The following SMCHD1 variants were observed in gnomAD, a reference collection of about 807,000 sequenced individuals.
SMCHD1 encodes structural maintenance of chromosomes flexible hinge domain-containing protein 1.
In SMCHD1, 78 loss-of-function variants were observed where a neutral mutation model predicts 254.7. The ratio of observed to expected loss-of-function variants is 0.31; its 90% CI spans 0.26 to 0.37. SMCHD1 has a LOEUF of 0.37. SMCHD1 is among the 10% of genes least tolerant of loss of function. The pLI is 1.00. For missense variants in SMCHD1, 1,840 were observed against 2,408.1 expected (o/e 0.76, Z 4.94); for synonymous variants, 766 against 794.9 (o/e 0.96, Z 0.61).
At chr18:2,795,523 C>T (rs984803555) in intron 45 of SMCHD1, among the ~76,000 whole-genome samples, 10 of 152,144 alleles carry the variant, frequency 6.6e-5, no homozygotes, top group Admixed American at 1.3e-4. Flanking sequence ...ATTAGAAACC[C>T]CCTGTTACTC....
At chr18:2,680,486 C>T (rs2073899936) in intron 5 of SMCHD1, among the ~76,000 whole-genome samples, 2 of 152,158 alleles carry the variant, frequency 1.3e-5, no homozygotes, top group South Asian at 4.1e-4. Context: ...CCAGCTTTTG[C>T]TGAGGGGCTC....
In SMCHD1 at chr18:2,698,010, A is replaced by C; in HGVS notation, c.1311A>C (p.Glu437Asp). ...IRYHPFLYDRETYPDDPCFPS... is the reference protein window; with the variant it reads ...IRYHPFLYDRDTYPDDPCFPS... ...ATCATCCATTCTTATATGATAGAGAAACTTACCCTGATGATCCATGCTTTC... is the reference window on the plus strand; with the variant it reads ...ATCATCCATTCTTATATGATAGAGACACTTACCCTGATGATCCATGCTTTC... The change falls in exon 10 of 48, where the codon GAA (glutamate) becomes GAC (aspartate). Residue 437 changes from glutamate to aspartate, a missense_variant. Around this residue, in one of 9 missense-constraint regions of SMCHD1, gnomAD observed 498 missense variants for 743.5 expected, o/e 0.67. Coordinates refer to ENST00000320876, the MANE Select transcript of SMCHD1 (RefSeq NM_015295.3). 1 of 1,613,144 alleles carries C rather than the reference A, an allele frequency of 6.2e-7. No homozygotes were observed. The highest frequency in any genetic ancestry group is 8.5e-7 in the Non-Finnish European group (1 of 1,179,276).
In SMCHD1 at chr18:2,803,844, G is replaced by A. The variant is rs1284305868; in HGVS notation, c.*1292G>A. The A allele has an allele frequency of 6.6e-6, 1 of 152,006 alleles. No individual in the cohort carries two copies. The highest frequency in any genetic ancestry group is 1.9e-4 in the East Asian group (1 of 5,190). 9.4% of individuals were successfully genotyped at this position (152,006 alleles called of 1,614,324 possible). A position where few individuals can be genotyped will look rare whatever the true frequency, so the allele number is the denominator to read the frequency against. Reference sequence around the variant, plus strand: ...AAATGGTTGGGACCTGAAGTGTTTTGGATTTTGGTTTTTTGTGGGGTTTTT... The same window carrying A: ...AAATGGTTGGGACCTGAAGTGTTTTAGATTTTGGTTTTTTGTGGGGTTTTT... On this transcript the variant is annotated 3_prime_UTR_variant, in exon 48 of 48. Coordinates refer to ENST00000320876, the MANE Select transcript of SMCHD1 (RefSeq NM_015295.3).
rs570694952 is a variant in SMCHD1, at chr18:2,752,304, C to T, written c.4282-184C>T. On this transcript the variant is annotated intron_variant, in intron 33 of 47. Coordinates refer to ENST00000320876, the MANE Select transcript of SMCHD1 (RefSeq NM_015295.3). ...ATAATGGGGTGTCTTTCCACTGTCACTAATCTCACATTGTACCTTACATGT... is the reference window on the plus strand; with the variant it reads ...ATAATGGGGTGTCTTTCCACTGTCATTAATCTCACATTGTACCTTACATGT... Among the ~76,000 whole-genome samples the T allele has an allele frequency of 1.3e-4, 20 of 152,256 alleles. 1 individual carries two copies. The East Asian group carries it at 3.9e-3, about 29-fold the overall frequency.
Position 2,700,553 on chromosome 18 carries a change from G to C in SMCHD1, c.1357G>C (p.Asp453His), listed in dbSNP as rs2074378912. ...TTTTGATCTAGAATTAAAAGATGAA[G>C]ATGATGAAGATGATTGTTTCATACT... ...PCFPSKLKDE[D>H]DEDDCFILEK... The change falls in exon 11 of 48, where the codon GAT (aspartate) becomes CAT (histidine). Residue 453 changes from aspartate (D) to histidine (H), a missense_variant. This residue lies in a region of SMCHD1 where 498 missense variants were observed against 743.5 expected (regional missense o/e 0.67). Coordinates refer to ENST00000320876, the MANE Select transcript of SMCHD1 (RefSeq NM_015295.3). The C allele has an allele frequency of 1.2e-6, 2 of 1,607,782 alleles. No individual in the cohort carries two copies. The highest frequency in any genetic ancestry group is 1.7e-6 in the Non-Finnish European group (2 of 1,177,742).
chr18:2,711,965 A>C (rs1354156136), intron 17 of SMCHD1, among the ~76,000 whole-genome samples: 1 of 152,180 alleles, frequency 6.6e-6, no homozygotes, highest in East Asian at 1.9e-4. Context: ...TGATCTCTGC[A>C]TACACTGGCT....
At chr18:2,716,251 C>T (rs1463934063) in intron 17 of SMCHD1, among the ~76,000 whole-genome samples, 2 of 152,168 alleles carry the variant, frequency 1.3e-5, no homozygotes, top group Non-Finnish European at 2.9e-5. Context: ...CTCAGGGCCT[C>T]CTGTGTAGCT....
intron 15 of SMCHD1, chr18:2,707,312 C>A: frequency 7.8e-6 from 2 of 257,720 alleles, no homozygotes; most frequent in Admixed American, 5.4e-5. Flanking sequence ...AAAAAAAAAT[C>A]AACAAAAATT....
intron 34 of SMCHD1, 155 bp from the exon 35 acceptor site, chr18:2,760,497 A>C: frequency 1.8e-6 from 1 of 555,204 alleles, no homozygotes; most frequent in Non-Finnish European, 3.3e-6. Flanking sequence ...GTAAGCAAGA[A>C]ATATTTGTTG....
intron 20 of SMCHD1, among the ~76,000 whole-genome samples, chr18:2,724,485 TAAA>T (rs2074987809): frequency 6.6e-6 from 1 of 152,144 alleles, no homozygotes; most frequent in Non-Finnish European, 1.5e-5. Context: ...CAGAATTCTC[TAAA>T]ATCCCACTGG....
intron 7 of SMCHD1, among the ~76,000 whole-genome samples, chr18:2,690,341 A>G (rs1219058748): frequency 4.6e-5 from 7 of 152,164 alleles, no homozygotes. Context: ...TCTGTTGAGC[A>G]TTTGGCTTAT....
At chr18:2,731,759 C>T (rs2075144381) in intron 24 of SMCHD1, among the ~76,000 whole-genome samples, 1 of 152,160 alleles carries the variant, frequency 6.6e-6, no homozygotes, top group African/African-American at 2.4e-5. Flanking sequence ...TGCCTGTAAT[C>T]CCAGCACTTT....
intron 1 of SMCHD1, among the ~76,000 whole-genome samples, chr18:2,661,305 C>T (rs991244963): frequency 6.6e-6 from 1 of 151,222 alleles, no homozygotes; most frequent in Non-Finnish European, 1.5e-5. Flanking sequence ...TGTAACAAAC[C>T]TGCATGTTCT....
At chr18:2,786,248 C>G (rs1455434507) in intron 45 of SMCHD1, among the ~76,000 whole-genome samples, 2 of 152,114 alleles carry the variant, frequency 1.3e-5, no homozygotes, top group Non-Finnish European at 2.9e-5. Context: ...CCTTGGCCTC[C>G]CAAAGTGCTG....
chr18:2,717,264 C>G (rs2074822016), intron 17 of SMCHD1, among the ~76,000 whole-genome samples: 2 of 152,216 alleles, frequency 1.3e-5, no homozygotes, highest in Admixed American at 1.3e-4. Context: ...GCTCTCTTCC[C>G]TTCTCACACA....
intron 7 of SMCHD1, among the ~76,000 whole-genome samples, chr18:2,693,216 T>C (rs1418813959): frequency 6.6e-6 from 1 of 152,224 alleles, no homozygotes; most frequent in African/African-American, 2.4e-5. Flanking sequence ...TAGTCTGTTT[T>C]TATTTCCACA....
intron 5 of SMCHD1, among the ~76,000 whole-genome samples, chr18:2,678,648 C>T (rs2073833420): frequency 6.6e-6 from 1 of 151,880 alleles, no homozygotes; most frequent in South Asian, 2.1e-4. Context: ...ATTACCGCTA[C>T]CTTATTTTCT....
chr18:2,735,220 A>G (rs1385624594), intron 25 of SMCHD1, among the ~76,000 whole-genome samples: 1 of 152,202 alleles, frequency 6.6e-6, no homozygotes, highest in Non-Finnish European at 1.5e-5. Context: ...AGACGCAGAA[A>G]ATGCTTTTGA....
intron 5 of SMCHD1, among the ~76,000 whole-genome samples, chr18:2,682,713 T>G (rs72862924): frequency 6.6e-5 from 10 of 152,368 alleles, no homozygotes; most frequent in Admixed American, 1.3e-4. Flanking sequence ...GTATGAAGAT[T>G]ATGAATTAAG....
Sources: allele counts gnomAD v4.1 joint callset (sites outside exome capture counted in the v4.1 genomes callset), GRCh38; gene constraint gnomAD v4.1.1; regional missense constraint gnomAD v4.1.1; transcripts MANE v1.5; gene names NCBI Gene and HGNC (gene_info 2026-07-23, HGNC 2026-07-21).